NBPF9: variants seen among roughly 807,000 people sequenced by gnomAD.
NBPF9 encodes NBPF family member NBPF9.
In NBPF9, 91 loss-of-function variants were observed where a neutral mutation model predicts 97.8. The ratio of observed to expected loss-of-function variants is 0.93; its 90% CI spans 0.79 to 1.11. The LOEUF is 1.11. Ranked by LOEUF, NBPF9 falls within the 50% of genes least tolerant of loss-of-function variation. The pLI is 0.00. For missense variants in NBPF9, 992 were observed against 939.5 expected (o/e 1.06, Z -0.73); for synonymous variants, 334 against 359.5 (o/e 0.93, Z 0.80).
intron 5 of NBPF9, among the ~76,000 whole-genome samples, chr1:149,084,152 T>C (rs1304515014): frequency 2.0e-5 from 3 of 148,980 alleles, no homozygotes; most frequent in Non-Finnish European, 3.0e-5. Context: ...GGGCCTGTCA[T>C]GGGGTGAGGG....
At chr1:149,075,093 A>T (rs2079743386) in intron 12 of NBPF9, among the ~76,000 whole-genome samples, 1 of 151,404 alleles carries the variant, frequency 6.6e-6, no homozygotes, top group Non-Finnish European at 1.5e-5. Flanking sequence ...TACAGGAGTG[A>T]GCCACCATGC....
chr1:149,059,647 G>T lies in NBPF9; in HGVS notation c.2585+53C>A, dbSNP rs1219615515. The T allele has an allele frequency of 7.2e-6, 4 of 553,096 alleles. 1 individual carries two copies. In the African/African-American group the frequency reaches 9.6e-5, roughly 13 times the overall value. The allele number at this position is 553,096 out of a possible 1,614,324, so 34.3% of individuals were successfully genotyped here. A position where few individuals can be genotyped will look rare whatever the true frequency, so the allele number is the denominator to read the frequency against. Reference sequence around the variant, plus strand: ...AACACACTCTGGTTTCCCTGAATCTGTTGCCTCCAGGTGTTAACACAGAAC... The same window carrying T: ...AACACACTCTGGTTTCCCTGAATCTTTTGCCTCCAGGTGTTAACACAGAAC... On this transcript the variant is annotated intron_variant, in intron 25 of 29. Transcript: ENST00000584027.
chr1:149,073,437 G>C (rs1220878180), intron 13 of NBPF9, among the ~76,000 whole-genome samples: 1 of 142,394 alleles, frequency 7.0e-6, no homozygotes, highest in African/African-American at 2.6e-5. Context: ...TGTCACTAAG[G>C]GTAAGTGGGG....
intron 5 of NBPF9, among the ~76,000 whole-genome samples, chr1:149,087,432 CTCTCT>C (rs1264035772): frequency 6.7e-6 from 1 of 150,184 alleles, no homozygotes; most frequent in African/African-American, 2.5e-5. Flanking sequence ...TTTCTGGATT[CTCTCT>C]TCTCTTCCAC....
intron 7 of NBPF9, among the ~76,000 whole-genome samples, chr1:149,081,501 G>A (rs1214278434): frequency 3.9e-4 from 59 of 151,650 alleles, no homozygotes; most frequent in African/African-American, 1.4e-3. Context: ...CCTCAGAGCA[G>A]GTACTGGCTA....
chr1:149,055,332 G>A (rs1418896207), exon 30 of NBPF9: 1 of 517,098 alleles, frequency 1.9e-6, no homozygotes, highest in Non-Finnish European at 3.4e-6. Flanking sequence ...AGCAGGTATA[G>A]AAGCTCAGAG....
chr1:149,097,990 C>T (rs2081901186), intron 4 of NBPF9, among the ~76,000 whole-genome samples: 1 of 152,008 alleles, frequency 6.6e-6, no homozygotes, highest in South Asian at 2.1e-4. Flanking sequence ...CCACACACAT[C>T]TCCCCACCCA....
chr1:149,055,628 T>A (rs782248949), exon 30 of NBPF9: 2 of 1,611,700 alleles, frequency 1.2e-6, no homozygotes, highest in Admixed American at 1.7e-5. Context: ...CCTGCAGGAA[T>A]GACATCTCTC....
intron 3 of NBPF9, among the ~76,000 whole-genome samples, chr1:149,099,134 T>C (rs1233875126): frequency 3.9e-5 from 6 of 152,266 alleles, no homozygotes; most frequent in South Asian, 2.1e-4. Flanking sequence ...AGGCAGATCT[T>C]AGTGAACAAG....
At chr1:149,072,426 C>G (rs1198470024) in intron 14 of NBPF9, among the ~76,000 whole-genome samples, 2 of 152,122 alleles carry the variant, frequency 1.3e-5, no homozygotes, top group African/African-American at 4.8e-5. Context: ...TTCACTCTAA[C>G]AAGCCTGCTC....
intron 17 of NBPF9, 95 bp from the exon 18 acceptor site, chr1:149,065,784 AG>A: frequency 1.1e-6 from 1 of 878,936 alleles, no homozygotes; most frequent in Non-Finnish European, 1.8e-6. Context: ...GACAGAATGG[AG>A]TGGTCACAGA....
chr1:149,055,562 G>C (rs1393083706), exon 30 of NBPF9: 1 of 1,563,128 alleles, frequency 6.4e-7, no homozygotes, highest in Non-Finnish European at 8.7e-7. Flanking sequence ...TCCTATGTCT[G>C]GGCTTCCAAA....
chr1:149,075,001 G>A (rs1475342401), intron 12 of NBPF9, among the ~76,000 whole-genome samples: 15 of 151,002 alleles, frequency 9.9e-5, no homozygotes, highest in African/African-American at 3.6e-4. Context: ...TAGTGGAGAT[G>A]GGGTTTCTCC....
chr1:149,065,614 A>T (rs782426426), exon 18 of NBPF9: 1 of 1,603,854 alleles, frequency 6.2e-7, no homozygotes, highest in East Asian at 2.5e-5. Context: ...ACATTTCAGG[A>T]GGAATTGAGG....
At chr1:149,094,236 C>A (rs2081599407) in intron 4 of NBPF9, among the ~76,000 whole-genome samples, 1 of 139,904 alleles carries the variant, frequency 7.1e-6, no homozygotes, top group Non-Finnish European at 1.5e-5. Flanking sequence ...TAAAAAATTC[C>A]TTTTCTTGTG....
Position 149,077,835 on chromosome 1 carries a change from T to C in NBPF9, c.566+48A>G. 5.6e-6 allele frequency: 9 copies of C among 1,596,248 alleles called. 1 individual carries two copies. The highest frequency in any genetic ancestry group is 7.7e-6 in the Non-Finnish European group (9 of 1,165,602). ...CCAGAGAGGGTGTGCCTCCTAGACATCTTCATATGTTACCACCCATTACTT... is the reference window on the plus strand; with the variant it reads ...CCAGAGAGGGTGTGCCTCCTAGACACCTTCATATGTTACCACCCATTACTT... On this transcript the variant is annotated intron_variant, in intron 10 of 29. Transcript: ENST00000584027.
intron 11 of NBPF9, among the ~76,000 whole-genome samples, chr1:149,076,143 G>T (rs1553654267): frequency 6.6e-6 from 1 of 151,906 alleles, no homozygotes; most frequent in East Asian, 1.9e-4. Flanking sequence ...CCCATGAGTG[G>T]CCAATGTTTC....
Position 149,064,869 on chromosome 1 carries a change from G to A in NBPF9, c.1802-387C>T. 3 of 529,086 alleles carry A rather than the reference G, an allele frequency of 5.7e-6. No individual in the cohort carries two copies. The South Asian group carries it at 6.5e-5, about 12-fold the overall frequency. The allele number at this position is 529,086 out of a possible 1,614,324, so 32.8% of individuals were successfully genotyped here. A position where few individuals can be genotyped will look rare whatever the true frequency, so the allele number is the denominator to read the frequency against. On this transcript the variant is annotated intron_variant, in intron 18 of 29. Coordinates refer to ENST00000584027, the Ensembl canonical transcript of NBPF9. ...GATAGTTTATGAGATTGTGGACACA[G>A]AGATTTGATGAGGGGGTGCAATGAA...
Position 149,062,068 on chromosome 1 carries a change from A to T in NBPF9, c.2251+25T>A, listed in dbSNP as rs587727271. On this transcript the variant is annotated intron_variant, in intron 22 of 29. Transcript: ENST00000584027. Reference sequence around the variant, plus strand: ...TATCTGGAAGACCAGGTGGAGGCTTATCACCTTCATAGTAAGGTACTCACT... The same window carrying T: ...TATCTGGAAGACCAGGTGGAGGCTTTTCACCTTCATAGTAAGGTACTCACT... 5 of 947,216 alleles carry T rather than the reference A, an allele frequency of 5.3e-6. No homozygotes were observed. The East Asian group carries it at 7.8e-5, about 15-fold the overall frequency. 58.7% of individuals were successfully genotyped at this position (947,216 alleles called of 1,614,324 possible). A position where few individuals can be genotyped will look rare whatever the true frequency, so the allele number is the denominator to read the frequency against.
Sources: gnomAD v4.1 joint callset for allele counts (sites outside exome capture counted in the v4.1 genomes callset) on GRCh38, gnomAD v4.1.1 for gene constraint, MANE v1.5 for transcripts, NCBI Gene and HGNC (gene_info 2026-07-23, HGNC 2026-07-21) for gene names.